Variants in KCNAB1 observed in about 807,000 individuals in gnomAD.
The protein encoded by KCNAB1 is voltage-gated potassium channel subunit beta-1.
A neutral mutation model predicts 64.6 loss-of-function variants in KCNAB1; 35 were observed. The observed-to-expected ratio is 0.54, with a 90% CI of 0.41 to 0.72. The LOEUF is 0.72. Among genes scored for constraint, KCNAB1 ranks in the 30% least tolerant of loss-of-function variants. KCNAB1 has a pLI of 0.00. For missense variants in KCNAB1, 401 were observed against 512.9 expected (o/e 0.78, Z 2.11); for synonymous variants, 177 against 183.8 (o/e 0.96, Z 0.30).
intron 1 of KCNAB1, among the ~76,000 whole-genome samples, chr3:156,311,460 A>G (rs1721897133): frequency 6.6e-6 from 1 of 152,216 alleles, no homozygotes; most frequent in South Asian, 2.1e-4. Context: ...GGGTCCTACC[A>G]CTGAAGGATA....
intron 1 of KCNAB1, among the ~76,000 whole-genome samples, chr3:156,232,095 A>C (rs1166897004): frequency 1.3e-5 from 2 of 152,208 alleles, no homozygotes; most frequent in African/African-American, 4.8e-5. Flanking sequence ...ATTCAACATC[A>C]AACACTTCTT....
At chr3:156,349,312 G>C (rs1187369527) in intron 1 of KCNAB1, among the ~76,000 whole-genome samples, 3 of 152,136 alleles carry the variant, frequency 2.0e-5, no homozygotes, top group Non-Finnish European at 4.4e-5. Flanking sequence ...TGCCCTTCCT[G>C]TCTCTGGCCC....
chr3:156,150,340 G>A (rs1715331068), intron 1 of KCNAB1, among the ~76,000 whole-genome samples: 1 of 152,156 alleles, frequency 6.6e-6, no homozygotes, highest in African/African-American at 2.4e-5. Context: ...AGTGAGAGAC[G>A]AGTGCTGCTT....
intron 1 of KCNAB1, among the ~76,000 whole-genome samples, chr3:156,325,265 G>A (rs1469998407): frequency 6.6e-6 from 1 of 152,074 alleles, no homozygotes; most frequent in Non-Finnish European, 1.5e-5. Flanking sequence ...TGACTCTGGG[G>A]CTCAAGCTCT....
chr3:156,502,558 AC>A, intron 8 of KCNAB1, among the ~76,000 whole-genome samples: 2 of 151,438 alleles, frequency 1.3e-5, no homozygotes, highest in East Asian at 3.9e-4. Context: ...ACACACACAC[AC>A]ACACACACAC....
At chr3:156,181,537 A>G (rs1036883196) in intron 1 of KCNAB1, among the ~76,000 whole-genome samples, 3 of 152,282 alleles carry the variant, frequency 2.0e-5, no homozygotes, top group South Asian at 4.2e-4. Flanking sequence ...AAGAATACAG[A>G]GAGAAGGTAA....
At chr3:156,304,677 A>G (rs773683342) in intron 1 of KCNAB1, among the ~76,000 whole-genome samples, 1 of 152,184 alleles carries the variant, frequency 6.6e-6, no homozygotes, top group Non-Finnish European at 1.5e-5. Context: ...GCAGGACTGG[A>G]GCAGTGTGGT....
chr3:156,422,303 G>T (rs1330304278), intron 2 of KCNAB1, among the ~76,000 whole-genome samples: 2 of 152,206 alleles, frequency 1.3e-5, no homozygotes, highest in Non-Finnish European at 2.9e-5. Context: ...CATCCCTTAG[G>T]CCCAGGAAAA....
intron 1 of KCNAB1, among the ~76,000 whole-genome samples, chr3:156,379,119 A>G (rs1711954124): frequency 6.6e-6 from 1 of 152,210 alleles, no homozygotes; most frequent in African/African-American, 2.4e-5. Context: ...GAACTCTGTG[A>G]GCATTGCATG....
intron 1 of KCNAB1, among the ~76,000 whole-genome samples, chr3:156,382,587 C>G (rs556600706): frequency 3.7e-4 from 56 of 152,240 alleles, no homozygotes; most frequent in African/African-American, 1.0e-3. Context: ...TGCCATTTAC[C>G]GACTATTTTT....
At position 156,474,765 on chromosome 3, in the gene KCNAB1, C is replaced by G. The variant is rs78612334; in HGVS notation, c.603C>G (p.Leu201=). Residue 201 remains leucine (L), a synonymous_variant, in exon 8 of 14, where the codon CTC becomes CTG. Transcript: ENST00000490337. ...GLKGSLQRLQ[L]EYVDVVFANR... ...AGGGCTCCCTCCAGAGGCTGCAGCTCGAGTATGTGGATGTGGTCTTTGCAA... is the reference window on the plus strand; with the variant it reads ...AGGGCTCCCTCCAGAGGCTGCAGCTGGAGTATGTGGATGTGGTCTTTGCAA... 4 of 1,613,100 alleles carry G rather than the reference C, an allele frequency of 2.5e-6. No homozygotes were observed. The African/African-American group carries it at 4.0e-5, about 16-fold the overall frequency.
At chr3:156,429,859 G>A (rs547746644) in intron 2 of KCNAB1, among the ~76,000 whole-genome samples, 3 of 152,138 alleles carry the variant, frequency 2.0e-5, no homozygotes, top group Non-Finnish European at 4.4e-5. Context: ...CAAACAGAGT[G>A]AACTATCGTA....
intron 1 of KCNAB1, among the ~76,000 whole-genome samples, chr3:156,304,855 T>C (rs1413458398): frequency 1.3e-5 from 2 of 152,234 alleles, no homozygotes; most frequent in Non-Finnish European, 2.9e-5. Flanking sequence ...TAAATTAATA[T>C]CAAGCTTAAA....
At chr3:156,236,996 T>C (rs1367223375) in intron 1 of KCNAB1, among the ~76,000 whole-genome samples, 1 of 152,174 alleles carries the variant, frequency 6.6e-6, no homozygotes, top group African/African-American at 2.4e-5. Flanking sequence ...GTGTTATTGC[T>C]CTTGAGTGTA....
intron 1 of KCNAB1, among the ~76,000 whole-genome samples, chr3:156,276,403 G>C (rs1385827403): frequency 6.6e-6 from 1 of 152,092 alleles, no homozygotes; most frequent in Non-Finnish European, 1.5e-5. Flanking sequence ...CAGCTTAAAA[G>C]TCACCAGCTG....
intron 1 of KCNAB1, among the ~76,000 whole-genome samples, chr3:156,283,651 GGC>G (rs1296025816): frequency 6.6e-6 from 1 of 151,766 alleles, no homozygotes; most frequent in Admixed American, 6.6e-5. Context: ...ATTTCTTGGA[GGC>G]TTTGCTCATT....
chr3:156,331,372 C>T (rs376618557), intron 1 of KCNAB1, among the ~76,000 whole-genome samples: 3 of 152,010 alleles, frequency 2.0e-5, no homozygotes, highest in African/African-American at 7.2e-5. Flanking sequence ...TCAGTGGTAC[C>T]GAATTGCTGG....
intron 1 of KCNAB1, among the ~76,000 whole-genome samples, chr3:156,215,210 G>A (rs1483222002): frequency 6.6e-6 from 1 of 152,172 alleles, no homozygotes; most frequent in Non-Finnish European, 1.5e-5. Flanking sequence ...GTAACTTGCA[G>A]AATGTATTCA....
rs180781409 is a variant in KCNAB1 at position 156,438,792 on chromosome 3, G to A, written c.320-14107G>A. On this transcript the variant is annotated intron_variant, in intron 2 of 13. Transcript: ENST00000490337. ...GCACTTTGGGAGGACGAGGTGGGCC[G>A]ATCACGATGTCAGGAATTCAAGACC... is the stretch of plus-strand genomic sequence containing the variant. Among the ~76,000 whole-genome samples the A allele has an allele frequency of 5.3e-3, 810 of 152,180 alleles. 5 individuals carry two copies. The highest frequency in any genetic ancestry group is 8.7e-3 in the Non-Finnish European group (594 of 68,002).
Sources: gnomAD v4.1 joint callset for allele counts (sites outside exome capture counted in the v4.1 genomes callset) on GRCh38, gnomAD v4.1.1 for gene constraint, MANE v1.5 for transcripts, NCBI Gene and HGNC (gene_info 2026-07-23, HGNC 2026-07-21) for gene names.